CCDC171: variants seen among roughly 807,000 people sequenced by gnomAD.
CCDC171 encodes the protein coiled-coil domain containing 171, also known as coiled-coil domain-containing protein 171.
A neutral mutation model predicts 168.2 loss-of-function variants in CCDC171; 177 were observed. That is an observed-to-expected ratio of 1.05 (90% CI 0.93 to 1.19). The LOEUF (loss-of-function observed/expected upper bound fraction) is 1.19. CCDC171 is among the 50% of genes most tolerant of loss of function. The pLI, the probability that CCDC171 is intolerant of heterozygous loss-of-function variation, is 0.00. For missense variants in CCDC171, 1,991 were observed against 1,539.0 expected (o/e 1.29, Z -4.91); for synonymous variants, 687 against 540.8 (o/e 1.27, Z -3.75).
chr9:15,920,539 C>T, intron 25 of CCDC171, 117 bp downstream of exon 25: 1 of 690,896 alleles, frequency 1.4e-6, no homozygotes, highest in Non-Finnish European at 2.2e-6. Flanking sequence ...GGTAAATGAT[C>T]AATCAAGTGA....
Position 15,987,440 on chromosome 9 carries a change from GCAA to G in CCDC171, n.369-33145_369-33143del, listed in dbSNP as rs757734530. 2.6e-5 allele frequency among the ~76,000 whole-genome samples: 4 copies of G among 151,364 alleles called. No homozygotes were observed. In the East Asian group the frequency reaches 5.8e-4, roughly 22 times the overall value. On this transcript the variant is annotated intron_variant and non_coding_transcript_variant, in intron 3 of 9. Coordinates refer to the CCDC171 transcript ENST00000486641. ...CTAAAATAAAAGTTGGAAAGAAAAAGCAACAATATTGTAACAAATGTAAAAAAA... is the reference window on the plus strand; with the variant it reads ...CTAAAATAAAAGTTGGAAAGAAAAAGCAATATTGTAACAAATGTAAAAAAA...
intron 6 of CCDC171, among the ~76,000 whole-genome samples, chr9:15,596,790 T>C (rs2042401964): frequency 6.6e-6 from 1 of 152,160 alleles, no homozygotes; most frequent in African/African-American, 2.4e-5. Flanking sequence ...TGGAATGTTC[T>C]TCCATTTGTT....
chr9:15,995,779 C>G (rs1183390049), intron 3 of CCDC171, among the ~76,000 whole-genome samples: 2 of 152,196 alleles, frequency 1.3e-5, no homozygotes, highest in African/African-American at 4.8e-5. Flanking sequence ...TGCAACCGGT[C>G]TGTTGAATAT....
chr9:15,992,844 A>G (rs1215790750), intron 3 of CCDC171, among the ~76,000 whole-genome samples: 1 of 152,194 alleles, frequency 6.6e-6, no homozygotes, highest in Non-Finnish European at 1.5e-5. Context: ...CCCATTCACA[A>G]TTGCTTCAAA....
chr9:15,934,962 A>G (rs781226368), intron 25 of CCDC171, among the ~76,000 whole-genome samples: 4 of 152,108 alleles, frequency 2.6e-5, no homozygotes, highest in Non-Finnish European at 5.9e-5. Flanking sequence ...AGGCAAATCC[A>G]TGGAGACAAG....
intron 23 of CCDC171, among the ~76,000 whole-genome samples, chr9:15,873,956 A>G (rs1210805328): frequency 1.3e-5 from 2 of 152,118 alleles, no homozygotes; most frequent in Admixed American, 1.3e-4. Context: ...AATCATTAAG[A>G]CTCAAGTTTA....
chr9:15,750,560 A>G (rs1446727824), intron 18 of CCDC171, among the ~76,000 whole-genome samples: 1 of 152,184 alleles, frequency 6.6e-6, no homozygotes, highest in Non-Finnish European at 1.5e-5. Context: ...TGATGCAAAA[A>G]TCCTCAATAA....
chr9:16,044,347 G>A (rs1468070288), intron 1 of CCDC171, among the ~76,000 whole-genome samples: 7 of 152,242 alleles, frequency 4.6e-5, no homozygotes, highest in East Asian at 3.9e-4. Flanking sequence ...GAGAGGATCC[G>A]GTTACTTCTT....
At chr9:15,741,252 C>T (rs1004275381) in intron 16 of CCDC171, among the ~76,000 whole-genome samples, 2 of 152,114 alleles carry the variant, frequency 1.3e-5, no homozygotes, top group African/African-American at 4.8e-5. Context: ...TTCATCACTC[C>T]AAACAGAAAC....
chr9:15,590,351 A>T (rs935114146), intron 4 of CCDC171, among the ~76,000 whole-genome samples: 1 of 152,232 alleles, frequency 6.6e-6, no homozygotes, highest in African/African-American at 2.4e-5. Flanking sequence ...ATGTGTTTTT[A>T]TAAACATTTC....
intron 9 of CCDC171, among the ~76,000 whole-genome samples, chr9:15,672,683 G>T (rs2049209681): frequency 6.6e-6 from 1 of 152,116 alleles, no homozygotes; most frequent in Non-Finnish European, 1.5e-5. Context: ...TTATTTCTGA[G>T]GCCTCTGTTC....
chr9:15,848,663 A>G (rs1289193698), intron 22 of CCDC171, among the ~76,000 whole-genome samples: 1 of 151,810 alleles, frequency 6.6e-6, no homozygotes, highest in Non-Finnish European at 1.5e-5. Flanking sequence ...AATTTAAGAT[A>G]TTAGTTAAAT....
downstream of CCDC171, among the ~76,000 whole-genome samples, chr9:15,974,335 T>C (rs1490149829): frequency 2.0e-5 from 3 of 152,178 alleles, no homozygotes; most frequent in African/African-American, 7.2e-5. Context: ...CTAAGCACCT[T>C]AGTGACCAAT....
intron 11 of CCDC171, among the ~76,000 whole-genome samples, chr9:15,696,438 G>GT (rs779115263): frequency 5.3e-5 from 8 of 152,236 alleles, no homozygotes; most frequent in Middle Eastern, 3.4e-3. Context: ...AAGCATTACT[G>GT]TATCATAATC....
chr9:15,612,686 A>G (rs2043788707), intron 6 of CCDC171, among the ~76,000 whole-genome samples: 1 of 151,902 alleles, frequency 6.6e-6, no homozygotes, highest in South Asian at 2.1e-4. Flanking sequence ...TGCTTTGTTC[A>G]TTTCTACCTT....
intron 24 of CCDC171, among the ~76,000 whole-genome samples, chr9:15,887,057 T>G (rs1422180794): frequency 6.6e-6 from 1 of 152,104 alleles, no homozygotes; most frequent in African/African-American, 2.4e-5. Context: ...CATGGTACAG[T>G]GCTATATAAT....
rs1164462360 is a variant in CCDC171 at position 15,662,813 on chromosome 9, T to TA, written c.916-3340dup. 1.3e-3 allele frequency among the ~76,000 whole-genome samples: 198 copies of TA among 148,488 alleles called. 1 individual carries two copies. The highest frequency in any genetic ancestry group is 3.7e-3 in the African/African-American group (149 of 40,454). Reference sequence around the variant, plus strand: ...CAACATGGTGAAACCCCATCTCTACTAAAAAAAAAATACCAAAATTAGCTG... The same window carrying TA: ...CAACATGGTGAAACCCCATCTCTACTAAAAAAAAAAATACCAAAATTAGCTG... On this transcript the variant is annotated intron_variant, in intron 8 of 25. Coordinates refer to ENST00000380701, the MANE Select transcript of CCDC171 (RefSeq NM_173550.4).
chr9:15,836,810 C>T lies in CCDC171; in HGVS notation c.3268-9892C>T, dbSNP rs1305916348. 2.6e-5 allele frequency among the ~76,000 whole-genome samples: 4 copies of T among 152,194 alleles called. 1 individual carries two copies. Among genetic ancestry groups the T allele is most frequent in the Non-Finnish European group, 5.9e-5 (4 of 68,032 alleles). ...TATATAATCTTCTTTCCAGAAAGGA[C>T]ACCACCGATTTACATCGTCAAATTT... On this transcript the variant is annotated intron_variant, in intron 21 of 25. Transcript: ENST00000380701.
At chr9:15,895,488 AT>A (rs1820785204) in intron 24 of CCDC171, among the ~76,000 whole-genome samples, 1 of 152,064 alleles carries the variant, frequency 6.6e-6, no homozygotes, top group African/African-American at 2.4e-5. Context: ...AGCTGACACC[AT>A]TGCAATAGAA....
Sources: gnomAD v4.1 joint callset for allele counts (sites outside exome capture counted in the v4.1 genomes callset) on GRCh38, gnomAD v4.1.1 for gene constraint, MANE v1.5 for transcripts, NCBI Gene and HGNC (gene_info 2026-07-23, HGNC 2026-07-21) for gene names.